Variants in DLGAP1 observed in about 807,000 individuals in gnomAD.
The protein encoded by DLGAP1 is DLG associated protein 1.
Under a neutral mutation model 90.8 loss-of-function variants are expected in DLGAP1, and 11 were observed. That is an observed-to-expected ratio of 0.12 (90% CI 0.08 to 0.20). The LOEUF (loss-of-function observed/expected upper bound fraction) is 0.20, where lower values mean the gene tolerates loss of function less well. Ranked by LOEUF, DLGAP1 falls within the 10% of genes least tolerant of loss-of-function variation. DLGAP1 has a pLI of 1.00. For synonymous variants in DLGAP1, 558 were observed against 540.7 expected (o/e 1.03, Z -0.44); for missense variants, 1,050 against 1,333.8 (o/e 0.79, Z 3.31).
chr18:4,442,679 T>C lies in DLGAP1; in HGVS notation c.-267+12327A>G, dbSNP rs181864910. 5.7e-5 allele frequency among the ~76,000 whole-genome samples: 8 copies of C among 141,448 alleles called. No individual in the cohort carries two copies. The East Asian group carries it at 1.6e-3, about 29-fold the overall frequency. 92.8% of individuals were successfully genotyped at this position (141,448 alleles called of 152,430 possible). On this transcript the variant is annotated intron_variant, in intron 1 of 12. Transcript: ENST00000315677. ...AAGCTAGAATATTTCTGCTGAAGGT[T>C]TGAATTTAAAAAGAAAAAAAAGTTA... is the stretch of plus-strand genomic sequence containing the variant.
At chr18:3,982,270 A>G (rs1047632062) in intron 3 of DLGAP1, among the ~76,000 whole-genome samples, 1 of 152,150 alleles carries the variant, frequency 6.6e-6, no homozygotes, top group Non-Finnish European at 1.5e-5. Flanking sequence ...TGTCATTAAA[A>G]TGTTTATCTC....
At chr18:3,944,795 C>G (rs2072844394) in intron 3 of DLGAP1, among the ~76,000 whole-genome samples, 1 of 152,104 alleles carries the variant, frequency 6.6e-6, no homozygotes, top group South Asian at 2.1e-4. Flanking sequence ...CTATCTTGGG[C>G]CTTTGAGGTG....
At chr18:3,974,725 T>C (rs2073533315) in intron 3 of DLGAP1, among the ~76,000 whole-genome samples, 1 of 152,128 alleles carries the variant, frequency 6.6e-6, no homozygotes, top group African/African-American at 2.4e-5. Context: ...AAGGAGGTTT[T>C]AGGTGATTGA....
At chr18:3,703,893 C>T (rs1262947441) in intron 7 of DLGAP1, among the ~76,000 whole-genome samples, 1 of 152,166 alleles carries the variant, frequency 6.6e-6, no homozygotes, top group African/African-American at 2.4e-5. Flanking sequence ...CTGCACCCTA[C>T]ATGATACAAA....
chr18:3,498,617 C>G lies in DLGAP1; in HGVS notation c.*568G>C, dbSNP rs2049772626. ...CCCCACCCCCAGGCCAGGCTTGGTC[C>G]CCTCTCTCTGTGTCCCTCATGGATT... On this transcript the variant is annotated 3_prime_UTR_variant, in exon 13 of 13. Transcript: ENST00000315677. 1 of 152,222 alleles carries G rather than the reference C, an allele frequency of 6.6e-6. No individual in the cohort carries two copies. The highest frequency in any genetic ancestry group is 2.4e-5 in the African/African-American group (1 of 41,436). The allele number at this position is 152,222 out of a possible 1,614,324, so 9.4% of individuals were successfully genotyped here. A position where few individuals can be genotyped will look rare whatever the true frequency, so the allele number is the denominator to read the frequency against.
intron 1 of DLGAP1, among the ~76,000 whole-genome samples, chr18:4,208,606 T>C (rs571715432): frequency 3.3e-5 from 5 of 152,256 alleles, no homozygotes; most frequent in Admixed American, 2.6e-4. Flanking sequence ...AGTTTCGCAA[T>C]AGGGAAAGAT....
At chr18:3,581,080 A>ACAG (rs1293126616) in intron 8 of DLGAP1, among the ~76,000 whole-genome samples, 1 of 151,254 alleles carries the variant, frequency 6.6e-6, no homozygotes, top group Non-Finnish European at 1.5e-5. Context: ...CTAGGCTTGA[A>ACAG]CCCCACAGCG....
At chr18:4,278,806 G>A (rs1361016573) in intron 1 of DLGAP1, among the ~76,000 whole-genome samples, 7 of 151,966 alleles carry the variant, frequency 4.6e-5, no homozygotes, top group African/African-American at 1.7e-4. Context: ...GACTGATACC[G>A]TATCTTTGCT....
intron 3 of DLGAP1, among the ~76,000 whole-genome samples, chr18:3,932,599 C>G (rs1367903165): frequency 6.6e-6 from 1 of 152,126 alleles, no homozygotes; most frequent in East Asian, 1.9e-4. Flanking sequence ...TGAAATGTGA[C>G]AAGGGCAGCA....
At chr18:3,934,470 A>G (rs1353990809) in intron 3 of DLGAP1, among the ~76,000 whole-genome samples, 2 of 152,282 alleles carry the variant, frequency 1.3e-5, no homozygotes, top group Admixed American at 6.5e-5. Flanking sequence ...GCAGGGATGT[A>G]TGGAGAGAGA....
chr18:3,885,399 A>G (rs914472047), intron 3 of DLGAP1: 1 of 152,214 alleles, frequency 6.6e-6, no homozygotes, highest in Non-Finnish European at 1.5e-5. Flanking sequence ...TGTGAGAGCC[A>G]TGTCATAAGC....
chr18:3,949,073 AG>A (rs2072931192), intron 3 of DLGAP1, among the ~76,000 whole-genome samples: 2 of 152,230 alleles, frequency 1.3e-5, no homozygotes, highest in Admixed American at 1.3e-4. Context: ...TATGAAGAAA[AG>A]TTTAAGAAAA....
rs1465756479 is a variant in DLGAP1 at position 3,552,634 on chromosome 18, T to TTCAG, written c.2057+14852_2057+14855dup. Among the ~76,000 whole-genome samples, 5 of 152,248 alleles carry TTCAG rather than the reference T, an allele frequency of 3.3e-5. No homozygotes were observed. In the East Asian group the frequency reaches 9.7e-4, roughly 29 times the overall value. ...TATATCTTCACTTAATCCTCCTATT[T>TTCAG]TCAGTATAGTCACCCTGCTCTCAAC... On this transcript the variant is annotated intron_variant, in intron 9 of 12. Transcript: ENST00000315677.
Position 3,502,577 on chromosome 18 carries a change from G to T in DLGAP1, c.2640C>A (p.Ser880=). 1 of 1,614,068 alleles carries T rather than the reference G, an allele frequency of 6.2e-7. No individual in the cohort carries two copies. Among genetic ancestry groups the T allele is most frequent in the Non-Finnish European group, 8.5e-7 (1 of 1,179,990 alleles). ...CAAATTTCATACTAATATTTTCTAT[G>T]GACAACTGCAGCATGTCCCAAAACC... The part of the protein sequence containing the change: ...LAGFWDMLQL[S]IENISMKFDE... The change falls in exon 12 of 13, where the codon TCC becomes TCA. Residue 880 remains serine (S), a synonymous_variant. Transcript: ENST00000315677.
At chr18:4,292,543 T>C (rs1237040695) in intron 1 of DLGAP1, among the ~76,000 whole-genome samples, 2 of 152,140 alleles carry the variant, frequency 1.3e-5, no homozygotes, top group Non-Finnish European at 2.9e-5. Flanking sequence ...TATAATATAC[T>C]TTACTAATTT....
In DLGAP1 at chr18:4,276,170, A is replaced by AT. The variant is rs35566291; in HGVS notation, c.-266-124884dup. Among the ~76,000 whole-genome samples the AT allele has an allele frequency of 7.1e-3, 888 of 125,430 alleles. 11 individuals are homozygous for AT. Among genetic ancestry groups the AT allele is most frequent in the African/African-American group, 0.02 (680 of 33,330 alleles). The allele number at this position is 125,430 out of a possible 152,430, so 82.3% of individuals were successfully genotyped here. A position where few individuals can be genotyped will look rare whatever the true frequency, so the allele number is the denominator to read the frequency against. On this transcript the variant is annotated intron_variant, in intron 1 of 12. Coordinates refer to ENST00000315677, the MANE Select transcript of DLGAP1 (RefSeq NM_004746.4). ...TTGGCGGGGGGTGGGAGGGGGCTTG[A>AT]TTTTTTTTTTTTTTTTAATGCAGGG... is the stretch of plus-strand genomic sequence containing the variant.
chr18:3,827,501 T>C (rs1568201009), intron 4 of DLGAP1, among the ~76,000 whole-genome samples: 2 of 152,218 alleles, frequency 1.3e-5, no homozygotes, highest in Non-Finnish European at 2.9e-5. Context: ...TTAGTCTCAG[T>C]TGCCATAGAC....
chr18:4,232,470 A>G (rs906127014), intron 1 of DLGAP1, among the ~76,000 whole-genome samples: 3 of 152,194 alleles, frequency 2.0e-5, no homozygotes, highest in African/African-American at 7.2e-5. Context: ...GAAATAGTCT[A>G]ATGGCTGATG....
intron 2 of DLGAP1, among the ~76,000 whole-genome samples, chr18:4,140,343 T>G (rs2144301040): frequency 6.6e-6 from 1 of 152,082 alleles, no homozygotes; most frequent in Non-Finnish European, 1.5e-5. Flanking sequence ...TATTTTAAAC[T>G]GATGACAACT....
Sources: gnomAD v4.1 joint callset for allele counts (sites outside exome capture counted in the v4.1 genomes callset) on GRCh38, gnomAD v4.1.1 for gene constraint, MANE v1.5 for transcripts, NCBI Gene and HGNC (gene_info 2026-07-23, HGNC 2026-07-21) for gene names.